Variants in SBF2 observed in about 807,000 individuals in gnomAD.
SBF2 encodes the protein myotubularin-related protein 13.
SBF2 carries 112 observed loss-of-function variants against 225.2 expected under a neutral mutation model. That is an observed-to-expected ratio of 0.50 (90% CI 0.43 to 0.58). The LOEUF (loss-of-function observed/expected upper bound fraction) is 0.58. SBF2 is among the 20% of genes least tolerant of loss of function. The pLI is 0.00. For missense variants in SBF2, 1,996 were observed against 2,206.2 expected (o/e 0.90, Z 1.91); for synonymous variants, 763 against 773.3 (o/e 0.99, Z 0.22).
intron 16 of SBF2, among the ~76,000 whole-genome samples, chr11:9,941,052 A>C (rs955061627): frequency 1.3e-5 from 2 of 152,246 alleles, no homozygotes; most frequent in African/African-American, 4.8e-5. Context: ...GTGGTGGCTC[A>C]TGCCTGTAAT....
chr11:10,153,736 T>C (rs1004769686), intron 2 of SBF2, among the ~76,000 whole-genome samples: 11 of 152,084 alleles, frequency 7.2e-5, no homozygotes, highest in Non-Finnish European at 1.3e-4. Flanking sequence ...AAAGCTGGTC[T>C]TGAAAAGATC....
intron 16 of SBF2, among the ~76,000 whole-genome samples, chr11:9,925,255 A>G (rs937003457): frequency 6.6e-6 from 1 of 152,088 alleles, no homozygotes; most frequent in Non-Finnish European, 1.5e-5. Context: ...TGATAGTTCA[A>G]CCTAAAATTA....
chr11:10,062,103 T>A (rs749732646), intron 2 of SBF2, among the ~76,000 whole-genome samples: 2 of 152,146 alleles, frequency 1.3e-5, no homozygotes, highest in Non-Finnish European at 2.9e-5. Context: ...GAGAAAAGAC[T>A]CCCTAAATGG....
At chr11:9,850,419 C>T (rs1856841688) in intron 21 of SBF2, among the ~76,000 whole-genome samples, 1 of 152,078 alleles carries the variant, frequency 6.6e-6, no homozygotes, top group Admixed American at 6.6e-5. Context: ...CTATGCCTGG[C>T]TTATTTTTAA....
At chr11:10,256,872 T>C (rs1173535998) in intron 1 of SBF2, among the ~76,000 whole-genome samples, 1 of 152,220 alleles carries the variant, frequency 6.6e-6, no homozygotes, top group Admixed American at 6.5e-5. Flanking sequence ...TTATCCCATA[T>C]TTATCCTATA....
chr11:9,918,143 C>T (rs1863266123), intron 16 of SBF2, among the ~76,000 whole-genome samples: 1 of 147,862 alleles, frequency 6.8e-6, no homozygotes, highest in South Asian at 2.1e-4. Context: ...TAATCAAGTA[C>T]TGTTATTTCT....
At chr11:9,943,009 AAG>A (rs369772351) in intron 16 of SBF2, among the ~76,000 whole-genome samples, 8 of 136,352 alleles carry the variant, frequency 5.9e-5, no homozygotes, top group Admixed American at 7.6e-5. Flanking sequence ...GAAAGAAAGA[AAG>A]AGAAAGAAAG....
At chr11:10,040,249 T>C (rs753821941) in intron 3 of SBF2, among the ~76,000 whole-genome samples, 2 of 151,952 alleles carry the variant, frequency 1.3e-5, no homozygotes, top group Non-Finnish European at 2.9e-5. Context: ...CTGACCAAGT[T>C]ACCAAAATTA....
intron 24 of SBF2, among the ~76,000 whole-genome samples, chr11:9,844,252 C>T (rs557201760): frequency 2.0e-5 from 3 of 152,310 alleles, no homozygotes; most frequent in African/African-American, 4.8e-5. Flanking sequence ...CAAAGCTAGA[C>T]AGGTGGCTAG....
chr11:9,911,242 C>G (rs111594613), intron 16 of SBF2, among the ~76,000 whole-genome samples: 9,687 of 151,720 alleles, frequency 0.064, 495 homozygotes, highest in East Asian at 0.28. Flanking sequence ...GTGGTGGGTG[C>G]CTGTAATCCC....
intron 13 of SBF2, among the ~76,000 whole-genome samples, chr11:9,988,663 C>G (rs1947292808): frequency 6.6e-6 from 1 of 152,144 alleles, no homozygotes; most frequent in African/African-American, 2.4e-5. Context: ...TGCTCAACAT[C>G]ACTAATGATC....
chr11:9,845,715 T>G lies in SBF2; in HGVS notation c.2960A>C (p.Glu987Ala). The change falls in exon 24 of 40, where the codon GAA becomes GCA. Residue 987 changes from glutamate to alanine, a missense_variant. Physicochemically the swap from Glu to Ala is moderately radical, Grantham distance 107. Coordinates refer to ENST00000256190, the MANE Select transcript of SBF2 (RefSeq NM_030962.4). ...FQLIKVAFDE[E>A]VSPEVVEIFK... is the part of the protein sequence containing the mutation. ...GATCTCTACTACTTCTGGACTGACT[T>G]CTTCATCAAATGCTACCTTAATCAA... is the stretch of plus-strand genomic sequence containing the variant. The G allele has an allele frequency of 6.2e-7, 1 of 1,613,924 alleles. No homozygotes were observed. Among genetic ancestry groups the G allele is most frequent in the Non-Finnish European group, 8.5e-7 (1 of 1,179,810 alleles).
rs528436746 is a variant in SBF2 at position 9,856,664 on chromosome 11, C to T, written c.2157G>A (p.Glu719=). ...QEKTAMDLAA[E]QLRLWPTLSK... Reference sequence around the variant, plus strand: ...TCAGGGTAGGCCAAAGGCGTAGTTGCTCAGCTGCCAGGTCCATTGCTGTCT... The same window carrying T: ...TCAGGGTAGGCCAAAGGCGTAGTTGTTCAGCTGCCAGGTCCATTGCTGTCT... The change falls in exon 19 of 40, where the codon GAG becomes GAA. Residue 719 remains glutamate (E), a synonymous_variant. Transcript: ENST00000256190. 6.2e-7 allele frequency: 1 copy of T among 1,614,158 alleles called. No individual in the cohort carries two copies. Among genetic ancestry groups the T allele is most frequent in the Admixed American group, 1.7e-5 (1 of 60,022 alleles).
At chr11:9,807,866 T>G (rs1436091142) in intron 32 of SBF2, 134 bp downstream of exon 32, 2 of 841,666 alleles carry the variant, frequency 2.4e-6, no homozygotes, top group Admixed American at 4.1e-5. Flanking sequence ...TGCTAAGATT[T>G]CAGCATGTCC....
chr11:10,175,325 A>T, intron 2 of SBF2, among the ~76,000 whole-genome samples: 1 of 151,460 alleles, frequency 6.6e-6, no homozygotes, highest in African/African-American at 2.4e-5. Flanking sequence ...AGATCTACCA[A>T]GCAAATGGAA....
intron 1 of SBF2, among the ~76,000 whole-genome samples, chr11:10,258,137 CCT>C (rs1428756126): frequency 6.7e-6 from 1 of 149,460 alleles, no homozygotes; most frequent in Non-Finnish European, 1.5e-5. Context: ...ACAGGATCTC[CCT>C]CTGTCACCTG....
chr11:10,160,837 G>A (rs1048352409), intron 2 of SBF2, among the ~76,000 whole-genome samples: 3 of 151,948 alleles, frequency 2.0e-5, no homozygotes, highest in Non-Finnish European at 4.4e-5. Context: ...ACCTGCACCT[G>A]GCTAATTCCT....
intron 3 of SBF2, among the ~76,000 whole-genome samples, chr11:10,042,282 C>T (rs534490503): frequency 6.6e-6 from 1 of 152,306 alleles, no homozygotes; most frequent in East Asian, 1.9e-4. Context: ...TTTGTTATGA[C>T]TCCTTTCTGC....
At chr11:10,023,788 T>C (rs771991728) in intron 6 of SBF2, among the ~76,000 whole-genome samples, 5 of 152,232 alleles carry the variant, frequency 3.3e-5, no homozygotes, top group Non-Finnish European at 7.3e-5. Flanking sequence ...GACATTTGGA[T>C]TGCTTCCACT....
Sources: gnomAD v4.1 joint callset for allele counts (sites outside exome capture counted in the v4.1 genomes callset) on GRCh38, gnomAD v4.1.1 for gene constraint, MANE v1.5 for transcripts, NCBI Gene and HGNC (gene_info 2026-07-23, HGNC 2026-07-21) for gene names.